LIFR: variants seen among roughly 807,000 people sequenced by gnomAD.
The protein encoded by LIFR is LIF receptor subunit alpha, also known as leukemia inhibitory factor receptor.
LIFR carries 84 observed loss-of-function variants against 122.2 expected under a neutral mutation model. The ratio of observed to expected loss-of-function variants is 0.69; its 90% CI spans 0.58 to 0.82. The LOEUF (loss-of-function observed/expected upper bound fraction) is 0.82, where lower values mean the gene tolerates loss of function less well. Ranked by LOEUF, LIFR falls within the 40% of genes least tolerant of loss-of-function variation. LIFR has a pLI of 0.00. For missense variants in LIFR, 1,294 were observed against 1,311.6 expected, an observed-to-expected ratio of 0.99 and a Z score of 0.21; for synonymous variants, 422 against 434.7, an observed-to-expected ratio of 0.97 and a Z score of 0.36.
intron 7 of LIFR, among the ~76,000 whole-genome samples, chr5:38,507,763 A>AT (rs887713772): frequency 3.3e-5 from 5 of 150,950 alleles, no homozygotes; most frequent in South Asian, 4.2e-4. Flanking sequence ...ATTCTGTAAA[A>AT]TTTTTTTTTC....
At chr5:38,504,800 A>G (rs1745373511) in intron 9 of LIFR, among the ~76,000 whole-genome samples, 1 of 152,210 alleles carries the variant, frequency 6.6e-6, no homozygotes, top group Admixed American at 6.5e-5. Flanking sequence ...TGGTGACACT[A>G]GGAAAAATCC....
rs1347004300 is a variant in LIFR, at chr5:38,506,579, T to C, written c.1045A>G (p.Ile349Val). 6.2e-7 allele frequency: 1 copy of C among 1,613,904 alleles called. No homozygotes were observed. The change falls in exon 8 of 20, where the codon ATT (isoleucine) becomes GTT (valine). Residue 349 changes from isoleucine (I) to valine (V), a missense_variant. Ile to Val is a conservative substitution (Grantham distance 29). Coordinates refer to ENST00000453190, the MANE Select transcript of LIFR (RefSeq NM_001127671.2). ...LNCETHDLKEIICSWNPGRVT... is the reference protein window; with the variant it reads ...LNCETHDLKEVICSWNPGRVT... ...CTTCCTGGATTCCAACTACATATAA[T>C]TTCTTTTAAATCATGTGTCTCACAA...
At chr5:38,495,491 T>C (rs1744830063) in intron 13 of LIFR, among the ~76,000 whole-genome samples, 1 of 152,138 alleles carries the variant, frequency 6.6e-6, no homozygotes, top group East Asian at 1.9e-4. Flanking sequence ...CACTTTGTTT[T>C]CCCCCTTCCT....
chr5:38,548,904 A>T (rs185641090), intron 1 of LIFR, among the ~76,000 whole-genome samples: 3 of 152,294 alleles, frequency 2.0e-5, no homozygotes, highest in Admixed American at 6.5e-5. Context: ...CTGCTTGGAA[A>T]TTCTGTATTA....
chr5:38,499,202 C>T (rs866318724), intron 12 of LIFR, among the ~76,000 whole-genome samples: 23 of 152,058 alleles, frequency 1.5e-4, no homozygotes, highest in African/African-American at 4.8e-4. Flanking sequence ...ATAACAAACA[C>T]TTAGGATTCT....
intron 1 of LIFR, among the ~76,000 whole-genome samples, chr5:38,578,420 G>A (rs1252345549): frequency 6.6e-6 from 1 of 150,958 alleles, no homozygotes; most frequent in African/African-American, 2.4e-5. Flanking sequence ...TGGTCAGGCT[G>A]GTCTCGAACT....
intron 15 of LIFR, among the ~76,000 whole-genome samples, chr5:38,489,789 T>C (rs1744473783): frequency 6.6e-6 from 1 of 150,812 alleles, no homozygotes; most frequent in African/African-American, 2.4e-5. Flanking sequence ...GCCCAGGAAT[T>C]TTGAGACCAG....
At chr5:38,598,230 TTTATTTATTTATTTA>T (rs1430017124), upstream of LIFR, among the ~76,000 whole-genome samples, 3 of 44,746 alleles carry the variant, frequency 6.7e-5, no homozygotes, top group African/African-American at 1.2e-4. Context: ...TTTTTTTTTT[TTTATTTATTTATTTA>T]TTTTTTTTTT....
chr5:38,502,074 C>T (rs1216967161), intron 11 of LIFR, among the ~76,000 whole-genome samples: 12 of 151,222 alleles, frequency 7.9e-5, no homozygotes, highest in African/African-American at 2.9e-4. Flanking sequence ...TATGCATTAT[C>T]GTAATATGGT....
Position 38,476,412 on chromosome 5 carries a change from G to A in LIFR, c.*5183C>T, listed in dbSNP as rs1361951707. 1.4e-5 allele frequency: 3 copies of A among 207,726 alleles called. No homozygotes were observed. Among genetic ancestry groups the A allele is most frequent in the East Asian group, 7.3e-5 (1 of 13,738 alleles). The allele number at this position is 207,726 out of a possible 1,614,324, so 12.9% of individuals were successfully genotyped here. ...CATTTAAAATGGAATAATTCTTAAC[G>A]GAAGTACACTTTAAATGTATAAGGA... On this transcript the variant is annotated 3_prime_UTR_variant, in exon 20 of 20. Transcript: ENST00000453190.
At chr5:38,534,813 G>T (rs1747207404) in intron 1 of LIFR, among the ~76,000 whole-genome samples, 3 of 152,130 alleles carry the variant, frequency 2.0e-5, no homozygotes, top group Admixed American at 2.0e-4. Context: ...CTCCAGAGCA[G>T]GTTACGGGTG....
chr5:38,482,636 T>C lies in LIFR; in HGVS notation c.2623A>G (p.Asn875Asp). 1 of 1,495,694 alleles carries C rather than the reference T, an allele frequency of 6.7e-7. No individual in the cohort carries two copies. Among genetic ancestry groups the C allele is most frequent in the Non-Finnish European group, 9.1e-7 (1 of 1,099,312 alleles). The allele number at this position is 1,495,694 out of a possible 1,614,324, so 92.7% of individuals were successfully genotyped here. A position where few individuals can be genotyped will look rare whatever the true frequency, so the allele number is the denominator to read the frequency against. Residue 875 changes from asparagine to aspartate, a missense_variant, in exon 19 of 20, where the codon AAT (asparagine) becomes GAT (aspartate). By Grantham distance (23) the Asn-to-Asp change is conservative. Coordinates refer to ENST00000453190, the MANE Select transcript of LIFR (RefSeq NM_001127671.2). ...TGTAATGCTTTACAGTTTTCTGGAT[T>C]TGGAATATCAGGGTAGAAGGTTTCT... Reference protein sequence around the residue: ...IKETFYPDIPNPENCKALQFQ... With the variant: ...IKETFYPDIPDPENCKALQFQ...
Position 38,530,581 on chromosome 5 carries a change from C to T in LIFR, c.67G>A (p.Ala23Thr). The T allele has an allele frequency of 6.2e-7, 1 of 1,612,246 alleles. No individual in the cohort carries two copies. Among genetic ancestry groups the T allele is most frequent in the Non-Finnish European group, 8.5e-7 (1 of 1,178,314 alleles). Residue 23 changes from alanine (A) to threonine (T), a missense_variant, in exon 2 of 20, where the codon GCT (alanine) becomes ACT (threonine). Transcript: ENST00000453190. ...GATAACAGCCACTGGAAATTTGAAG[C>T]AGTCCTCATTCTTTTATTGTCCACC... is the stretch of plus-strand genomic sequence containing the variant. ...WMVDNKRMRT[A>T]SNFQWLLSTF... is the part of the protein sequence containing the mutation.
chr5:38,508,407 C>G (rs769362303), intron 7 of LIFR, among the ~76,000 whole-genome samples: 5 of 152,086 alleles, frequency 3.3e-5, no homozygotes, highest in Non-Finnish European at 5.9e-5. Context: ...TAGGGATATA[C>G]CATGTTCATA....
intron 2 of LIFR, among the ~76,000 whole-genome samples, chr5:38,600,933 A>T (rs968460072): frequency 6.6e-6 from 1 of 152,202 alleles, no homozygotes; most frequent in Non-Finnish European, 1.5e-5. Context: ...GGAAGCAAAC[A>T]TTAGTCTGGT....
At position 38,485,984 on chromosome 5, in the gene LIFR, T is replaced by C. The variant is rs1329100749; in HGVS notation, c.2336-4A>G. 1 of 1,610,118 alleles carries C rather than the reference T, an allele frequency of 6.2e-7. No homozygotes were observed. Among genetic ancestry groups the C allele is most frequent in the Admixed American group, 1.7e-5 (1 of 60,026 alleles). ...TTAACTTTTATGTCAGAACGACCTATTTTTAAAATGAAGTATGTTAGCACT... is the reference window on the plus strand; with the variant it reads ...TTAACTTTTATGTCAGAACGACCTACTTTTAAAATGAAGTATGTTAGCACT... On this transcript the variant is annotated splice_polypyrimidine_tract_variant and splice_region_variant and intron_variant, in intron 16 of 19. Transcript: ENST00000453190.
At chr5:38,503,017 T>C (rs540201181) in intron 10 of LIFR, among the ~76,000 whole-genome samples, 2 of 152,252 alleles carry the variant, frequency 1.3e-5, no homozygotes, top group African/African-American at 4.8e-5. Context: ...AATGAAATTA[T>C]GCCCTGTAAT....
At chr5:38,485,232 C>T (rs750717885) in intron 17 of LIFR, among the ~76,000 whole-genome samples, 7 of 152,150 alleles carry the variant, frequency 4.6e-5, no homozygotes, top group African/African-American at 7.2e-5. Flanking sequence ...AAAAATGACA[C>T]GAGACAGTGC....
At chr5:38,507,868 A>G (rs1228760255) in intron 7 of LIFR, among the ~76,000 whole-genome samples, 6 of 152,164 alleles carry the variant, frequency 3.9e-5, no homozygotes, top group Admixed American at 6.5e-5. Context: ...ACATCCTTCA[A>G]TGATATTTCA....
Sources: allele counts gnomAD v4.1 joint callset (sites outside exome capture counted in the v4.1 genomes callset), GRCh38; gene constraint gnomAD v4.1.1; transcripts MANE v1.5; gene names NCBI Gene and HGNC (gene_info 2026-07-23, HGNC 2026-07-21).